The following LIMS1 variants were observed in gnomAD, a reference collection of about 807,000 sequenced individuals.
LIMS1 encodes LIM and senescent cell antigen-like-containing domain protein 1.
LIMS1 carries 18 observed loss-of-function variants against 44.1 expected under a neutral mutation model. The observed-to-expected ratio is 0.41, with a 90% CI of 0.28 to 0.61. The LOEUF (loss-of-function observed/expected upper bound fraction) is 0.61. LIMS1 is among the 20% of genes least tolerant of loss of function. The pLI, the probability that LIMS1 is intolerant of heterozygous loss-of-function variation, is 0.32. For synonymous variants in LIMS1, 93 were observed against 149.1 expected (o/e 0.62, Z 2.74); for missense variants, 201 against 422.0 (o/e 0.48, Z 4.59).
intron 1 of LIMS1, among the ~76,000 whole-genome samples, chr2:108,549,808 A>G (rs559503081): frequency 1.1e-3 from 161 of 152,336 alleles, no homozygotes; most frequent in African/African-American, 3.7e-3. Flanking sequence ...AAGAAGAAAG[A>G]CAAATGGATA....
At chr2:108,636,434 C>T (rs940099377) in intron 1 of LIMS1, among the ~76,000 whole-genome samples, 4 of 152,226 alleles carry the variant, frequency 2.6e-5, no homozygotes, top group Admixed American at 2.6e-4. Flanking sequence ...AGCTAGACAC[C>T]GAAGAAGCCA....
chr2:108,569,764 C>CTTTTTTTTTTTT lies in LIMS1; in HGVS notation c.32+35178_32+35189dup, dbSNP rs10596766. Among the ~76,000 whole-genome samples, 13 of 113,118 alleles carry CTTTTTTTTTTTT rather than the reference C, an allele frequency of 1.1e-4. No homozygotes were observed. The East Asian group carries it at 1.6e-3, about 14-fold the overall frequency. 74.2% of individuals were successfully genotyped at this position (113,118 alleles called of 152,430 possible). On this transcript the variant is annotated intron_variant, in intron 1 of 9. Transcript: ENST00000544547. ...TACAAACACTCACCGCCATATCTGG[C>CTTTTTTTTTTTT]TTTTTTTTTTTTTTTTTTTAGTGAT...
At chr2:108,554,643 A>C (rs532753396) in intron 1 of LIMS1, among the ~76,000 whole-genome samples, 1 of 152,188 alleles carries the variant, frequency 6.6e-6, no homozygotes, top group Non-Finnish European at 1.5e-5. Context: ...TGTCACCTGC[A>C]CTATTCAATA....
In LIMS1 at chr2:108,600,926, CTCTTCTCT is replaced by C. The variant is rs1254104631; in HGVS notation, c.33-58677_33-58670del. Among the ~76,000 whole-genome samples the C allele has an allele frequency of 3.8e-3, 455 of 119,564 alleles. 4 individuals carry two copies. The highest frequency in any genetic ancestry group is 0.012 in the African/African-American group (436 of 36,918). The allele number at this position is 119,564 out of a possible 152,430, so 78.4% of individuals were successfully genotyped here. ...CTCTTCTCTTCTCTTCTCTTCTCTT[CTCTTCTCT>C]TTTTTCTTCACTTTTCTTTCACAGA... On this transcript the variant is annotated intron_variant, in intron 1 of 9. Coordinates refer to ENST00000544547, the Ensembl canonical transcript of LIMS1.
At chr2:108,612,932 G>A (rs761857835) in intron 1 of LIMS1, among the ~76,000 whole-genome samples, 43 of 152,274 alleles carry the variant, frequency 2.8e-4, no homozygotes, top group Non-Finnish European at 5.4e-4. Context: ...ACTTGACCTT[G>A]TGATGGTCTG....
chr2:108,572,200 T>C (rs1685500585), intron 1 of LIMS1, among the ~76,000 whole-genome samples: 1 of 152,098 alleles, frequency 6.6e-6, no homozygotes, highest in African/African-American at 2.4e-5. Context: ...ACATTTCTGT[T>C]GTGTCTTACT....
chr2:108,659,403 T>G (rs750851079), intron 1 of LIMS1, among the ~76,000 whole-genome samples: 1 of 152,140 alleles, frequency 6.6e-6, no homozygotes, highest in Non-Finnish European at 1.5e-5. Context: ...GGGACACCCT[T>G]ACAGAGCCTC....
chr2:108,562,036 C>T (rs1685144066), intron 1 of LIMS1, among the ~76,000 whole-genome samples: 1 of 152,068 alleles, frequency 6.6e-6, no homozygotes, highest in Non-Finnish European at 1.5e-5. Flanking sequence ...GCCACCATGC[C>T]CGGCCAGTGA....
At chr2:108,541,797 C>G (rs1444228539) in intron 1 of LIMS1, among the ~76,000 whole-genome samples, 1 of 152,210 alleles carries the variant, frequency 6.6e-6, no homozygotes, top group Non-Finnish European at 1.5e-5. Flanking sequence ...ATTGCCGCTT[C>G]TCTCATAAAA....
At chr2:108,603,708 C>T (rs1321205245) in intron 1 of LIMS1, among the ~76,000 whole-genome samples, 2 of 151,858 alleles carry the variant, frequency 1.3e-5, no homozygotes, top group South Asian at 2.1e-4. Context: ...CTGCTTTGGC[C>T]TCCCAAAGTA....
intron 1 of LIMS1, among the ~76,000 whole-genome samples, chr2:108,596,067 A>T (rs543499773): frequency 5.3e-5 from 8 of 152,322 alleles, no homozygotes; most frequent in South Asian, 2.1e-4. Context: ...TGCTAAAAGG[A>T]TGTGTGTCAG....
intron 1 of LIMS1, among the ~76,000 whole-genome samples, chr2:108,599,082 A>G (rs1292605882): frequency 6.6e-6 from 1 of 152,058 alleles, no homozygotes; most frequent in Non-Finnish European, 1.5e-5. Context: ...TCTAATTATT[A>G]TTGACTGTAG....
intron 1 of LIMS1, among the ~76,000 whole-genome samples, chr2:108,552,778 G>A (rs1403521116): frequency 1.3e-5 from 2 of 151,788 alleles, no homozygotes; most frequent in South Asian, 2.1e-4. Context: ...AGGTTGCACC[G>A]TGTTGCCCAG....
chr2:108,660,646 G>A (rs997271716), intron 2 of LIMS1: 37 of 256,088 alleles, frequency 1.4e-4, no homozygotes, highest in African/African-American at 7.6e-4. Context: ...GCCCAGGCTG[G>A]TCTCAAACTC....
chr2:108,561,150 A>G (rs909462563), intron 1 of LIMS1, among the ~76,000 whole-genome samples: 2 of 152,182 alleles, frequency 1.3e-5, no homozygotes, highest in Non-Finnish European at 1.5e-5. Flanking sequence ...TGCTGTTGGA[A>G]TCTCTCACTC....
intron 1 of LIMS1, among the ~76,000 whole-genome samples, chr2:108,570,884 C>G (rs1007642198): frequency 6.6e-6 from 1 of 152,218 alleles, no homozygotes; most frequent in Non-Finnish European, 1.5e-5. Context: ...CGTCAGCTAG[C>G]TAATCCCAGC....
intron 1 of LIMS1, among the ~76,000 whole-genome samples, chr2:108,554,455 G>C (rs1158044967): frequency 6.6e-6 from 1 of 152,220 alleles, no homozygotes; most frequent in African/African-American, 2.4e-5. Context: ...AGTCTCTGAA[G>C]AAGAGTATCT....
At chr2:108,567,566 T>G (rs1055921376) in intron 1 of LIMS1, among the ~76,000 whole-genome samples, 4 of 152,128 alleles carry the variant, frequency 2.6e-5, no homozygotes, top group South Asian at 2.1e-4. Flanking sequence ...TGTTTTCCTT[T>G]TCTTTGCTTG....
intron 1 of LIMS1, among the ~76,000 whole-genome samples, chr2:108,599,200 A>G (rs908632845): frequency 9.2e-5 from 14 of 152,152 alleles, no homozygotes; most frequent in African/African-American, 3.4e-4. Context: ...ACTACCCTTC[A>G]CAGCCTCTGG....
Sources: allele counts gnomAD v4.1 joint callset (sites outside exome capture counted in the v4.1 genomes callset), GRCh38; gene constraint gnomAD v4.1.1; transcripts MANE v1.5; gene names NCBI Gene and HGNC (gene_info 2026-07-23, HGNC 2026-07-21).